Variants in STK32B observed in about 807,000 individuals in gnomAD.
STK32B encodes the protein serine/threonine kinase 32B, also known as serine/threonine-protein kinase 32B.
In STK32B, 43 loss-of-function variants were observed where a neutral mutation model predicts 52.6. The observed-to-expected ratio is 0.82, with a 90% CI of 0.64 to 1.05. The LOEUF is 1.05. STK32B is among the 50% of genes least tolerant of loss of function. The pLI, the probability that STK32B is intolerant of heterozygous loss-of-function variation, is 0.00. For missense variants in STK32B, 621 were observed against 534.6 expected, an observed-to-expected ratio of 1.16 and a Z score of -1.59; for synonymous variants, 238 against 204.3, an observed-to-expected ratio of 1.17 and a Z score of -1.41.
intron 4 of STK32B, among the ~76,000 whole-genome samples, chr4:5,391,419 T>G (rs1011052569): frequency 7.9e-5 from 12 of 152,166 alleles, no homozygotes; most frequent in Non-Finnish European, 7.3e-5. Flanking sequence ...AGACACACAC[T>G]TTCCTGCAAA....
rs1339042619 is a variant in STK32B, at chr4:5,159,578, T to TATATATATGA, written c.109-8702_109-8693dup. On this transcript the variant is annotated intron_variant, in intron 2 of 11. Coordinates refer to ENST00000282908, the MANE Select transcript of STK32B (RefSeq NM_018401.3). ...ATATATATGAATGAATATATATGAA[T>TATATATATGA]ATATATATGAATATATATGAATATA... 1.5e-3 allele frequency among the ~76,000 whole-genome samples: 34 copies of TATATATATGA among 22,250 alleles called. 5 individuals carry two copies. In the East Asian group the frequency reaches 0.038, roughly 25 times the overall value. The allele number at this position is 22,250 out of a possible 152,430, so 14.6% of individuals were successfully genotyped here. A position where few individuals can be genotyped will look rare whatever the true frequency, so the allele number is the denominator to read the frequency against.
intron 3 of STK32B, among the ~76,000 whole-genome samples, chr4:5,223,234 C>A (rs1723651000): frequency 6.6e-6 from 1 of 152,140 alleles, no homozygotes; most frequent in Non-Finnish European, 1.5e-5. Flanking sequence ...ATTACTTTTT[C>A]CACCTAGATT....
At chr4:5,064,331 T>C (rs1462930696) in intron 1 of STK32B, among the ~76,000 whole-genome samples, 1 of 142,240 alleles carries the variant, frequency 7.0e-6, no homozygotes, top group Non-Finnish European at 1.5e-5. Flanking sequence ...AATTCTGTAC[T>C]TACATAAACA....
chr4:5,330,067 G>A (rs78715964), intron 3 of STK32B, among the ~76,000 whole-genome samples: 3,913 of 152,264 alleles, frequency 0.026, 168 homozygotes, highest in African/African-American at 0.088. Context: ...GCGAGTGAGA[G>A]TCAGGGGATT....
chr4:5,099,443 T>TTTGCGC (rs1713581646), intron 1 of STK32B, among the ~76,000 whole-genome samples: 1 of 108,986 alleles, frequency 9.2e-6, no homozygotes, highest in Non-Finnish European at 1.8e-5. Flanking sequence ...TGTGTGTGTG[T>TTTGCGC]GTGTGTGCGC....
chr4:5,397,468 T>C (rs992340211), intron 4 of STK32B, among the ~76,000 whole-genome samples: 1 of 152,228 alleles, frequency 6.6e-6, no homozygotes, highest in Non-Finnish European at 1.5e-5. Flanking sequence ...GGCCTTTTGC[T>C]ATAATGGTGA....
At chr4:5,114,769 C>T (rs1454855961) in intron 1 of STK32B, among the ~76,000 whole-genome samples, 1 of 152,206 alleles carries the variant, frequency 6.6e-6, no homozygotes, top group Non-Finnish European at 1.5e-5. Flanking sequence ...GTTCCTCCCG[C>T]AGGGGCCATG....
chr4:5,272,935 G>A lies in STK32B; in HGVS notation c.261-58285G>A, dbSNP rs1408579194. Reference sequence around the variant, plus strand: ...CCATTCAGGACATAGGCATGGGCAAGGACTTCATGTCCAACACACCAAAAG... The same window carrying A: ...CCATTCAGGACATAGGCATGGGCAAAGACTTCATGTCCAACACACCAAAAG... On this transcript the variant is annotated intron_variant, in intron 3 of 11. Coordinates refer to ENST00000282908, the MANE Select transcript of STK32B (RefSeq NM_018401.3). 4.8e-5 allele frequency among the ~76,000 whole-genome samples: 7 copies of A among 147,256 alleles called. No individual in the cohort carries two copies. The East Asian group carries it at 6.0e-4, about 13-fold the overall frequency.
At chr4:5,397,268 A>G (rs901299742) in intron 4 of STK32B, among the ~76,000 whole-genome samples, 1 of 152,232 alleles carries the variant, frequency 6.6e-6, no homozygotes, top group Admixed American at 6.5e-5. Flanking sequence ...AGCTTCGCCA[A>G]GTGTGTACAC....
At chr4:5,111,776 T>C (rs1194231578) in intron 1 of STK32B, among the ~76,000 whole-genome samples, 2 of 152,064 alleles carry the variant, frequency 1.3e-5, no homozygotes, top group African/African-American at 2.4e-5. Context: ...GAAAACGATG[T>C]GTATGGACCT....
intron 6 of STK32B, chr4:5,432,421 A>G (rs1713670423): frequency 6.6e-6 from 1 of 152,200 alleles, no homozygotes; most frequent in Non-Finnish European, 1.5e-5. Flanking sequence ...AAGGTTTGGT[A>G]AGAATCTAGA....
At chr4:5,387,084 G>T (rs573007717) in intron 4 of STK32B, among the ~76,000 whole-genome samples, 1 of 152,162 alleles carries the variant, frequency 6.6e-6, no homozygotes, top group Non-Finnish European at 1.5e-5. Context: ...AGAGCTGGGC[G>T]GTGGCCCCTG....
intron 5 of STK32B, among the ~76,000 whole-genome samples, chr4:5,401,138 A>C (rs951793377): frequency 6.6e-6 from 1 of 152,202 alleles, no homozygotes; most frequent in African/African-American, 2.4e-5. Flanking sequence ...TTGTAGGTTT[A>C]TAACATTTAA....
intron 1 of STK32B, among the ~76,000 whole-genome samples, chr4:5,133,038 T>C (rs1479609161): frequency 5.3e-5 from 8 of 152,202 alleles, no homozygotes; most frequent in Admixed American, 3.3e-4. Flanking sequence ...CCTCAAGTGA[T>C]CCACCTGCCT....
At chr4:5,272,283 C>A (rs1395219326) in intron 3 of STK32B, among the ~76,000 whole-genome samples, 1 of 148,118 alleles carries the variant, frequency 6.8e-6, no homozygotes, top group Non-Finnish European at 1.5e-5. Flanking sequence ...TTGTCTTTGG[C>A]TCTGTTTATA....
chr4:5,333,274 G>A (rs575782565), intron 4 of STK32B, among the ~76,000 whole-genome samples: 11,602 of 152,228 alleles, frequency 0.076, 922 homozygotes, highest in African/African-American at 0.17. Flanking sequence ...CTGCATAAAT[G>A]TCTTCTTTTG....
At chr4:5,404,797 G>A (rs1257058874) in intron 5 of STK32B, among the ~76,000 whole-genome samples, 1 of 151,406 alleles carries the variant, frequency 6.6e-6, no homozygotes, top group South Asian at 2.1e-4. Context: ...TTGGACTTTG[G>A]TATGTGAATT....
intron 3 of STK32B, among the ~76,000 whole-genome samples, chr4:5,319,555 C>T (rs1309214481): frequency 2.8e-5 from 4 of 140,898 alleles, no homozygotes; most frequent in African/African-American, 9.5e-5. Context: ...TCCCATCTTA[C>T]CCCTCTCCAG....
intron 3 of STK32B, among the ~76,000 whole-genome samples, chr4:5,239,159 G>A (rs1724829148): frequency 2.0e-5 from 3 of 152,160 alleles, no homozygotes; most frequent in African/African-American, 4.8e-5. Flanking sequence ...GTGTTCAAGA[G>A]GAGGAGAAGG....
Sources: gnomAD v4.1 joint callset for allele counts (sites outside exome capture counted in the v4.1 genomes callset) on GRCh38, gnomAD v4.1.1 for gene constraint, MANE v1.5 for transcripts, NCBI Gene and HGNC (gene_info 2026-07-23, HGNC 2026-07-21) for gene names.